The following MICU2 variants were observed in gnomAD, a reference collection of about 807,000 sequenced individuals.
MICU2 encodes the protein calcium uptake protein 2, mitochondrial.
MICU2 carries 64 observed loss-of-function variants against 60.4 expected under a neutral mutation model. The observed-to-expected ratio is 1.06, with a 90% CI of 0.87 to 1.31. MICU2 has a LOEUF of 1.31. MICU2 is among the 50% of genes most tolerant of loss of function. The pLI, the probability that MICU2 is intolerant of heterozygous loss-of-function variation, is 0.00. For synonymous variants in MICU2, 201 were observed against 175.0 expected, an observed-to-expected ratio of 1.15 and a Z score of -1.17; for missense variants, 569 against 531.0, an observed-to-expected ratio of 1.07 and a Z score of -0.70.
intron 4 of MICU2, among the ~76,000 whole-genome samples, chr13:21,529,672 C>T (rs1219910378): frequency 6.6e-6 from 1 of 152,206 alleles, no homozygotes; most frequent in African/African-American, 2.4e-5. Flanking sequence ...CTTTCGTTGA[C>T]ATGATCTCAG....
chr13:21,584,926 G>C (rs1888426226), intron 1 of MICU2, among the ~76,000 whole-genome samples: 2 of 152,054 alleles, frequency 1.3e-5, no homozygotes, highest in African/African-American at 4.8e-5. Context: ...ATGGTTTATA[G>C]AACAAGAACA....
chr13:21,600,285 T>C (rs1158011669), intron 1 of MICU2, among the ~76,000 whole-genome samples: 2 of 152,194 alleles, frequency 1.3e-5, no homozygotes, highest in East Asian at 1.9e-4. Flanking sequence ...CAACTCTTAC[T>C]TCCAGATCTC....
At chr13:21,532,851 G>A (rs746957477) in intron 4 of MICU2, among the ~76,000 whole-genome samples, 3 of 152,110 alleles carry the variant, frequency 2.0e-5, no homozygotes, top group Non-Finnish European at 4.4e-5. Context: ...AATGAGAGGT[G>A]AGGAAGTGAA....
chr13:21,603,724 A>C lies in MICU2; in HGVS notation c.210+215T>G, dbSNP rs1888880916. ...GCGGGGTTCTCCCAAGGGAGGCAGA[A>C]TCTCCGGTCACCAGCCTCGAAGGCC... On this transcript the variant is annotated intron_variant, in intron 1 of 11. Coordinates refer to ENST00000382374, the MANE Select transcript of MICU2 (RefSeq NM_152726.3). The C allele has an allele frequency of 5.2e-6, 3 of 578,834 alleles. No individual in the cohort carries two copies. The South Asian group carries it at 6.4e-5, about 12-fold the overall frequency. 35.9% of individuals were successfully genotyped at this position (578,834 alleles called of 1,614,324 possible).
chr13:21,572,742 T>G (rs145576175), intron 1 of MICU2, among the ~76,000 whole-genome samples: 1 of 152,276 alleles, frequency 6.6e-6, no homozygotes, highest in Admixed American at 6.5e-5. Context: ...AGGCTTAAGT[T>G]TGGGGGTCCT....
chr13:21,590,968 T>C (rs1383128225), intron 1 of MICU2, among the ~76,000 whole-genome samples: 3 of 152,168 alleles, frequency 2.0e-5, no homozygotes, highest in East Asian at 3.8e-4. Context: ...ACGAAGAAAC[T>C]GCATCAACTA....
chr13:21,583,608 T>C (rs976357131), intron 1 of MICU2, among the ~76,000 whole-genome samples: 3 of 152,214 alleles, frequency 2.0e-5, no homozygotes, highest in African/African-American at 7.2e-5. Flanking sequence ...TTTCCTGTTT[T>C]TCCTTTGCAG....
chr13:21,526,278 A>G (rs1171681199), intron 4 of MICU2, among the ~76,000 whole-genome samples: 1 of 151,674 alleles, frequency 6.6e-6, no homozygotes, highest in African/African-American at 2.4e-5. Context: ...GTCTCTCTTA[A>G]TATATACGTT....
chr13:21,543,261 C>G (rs1887326424), intron 2 of MICU2, among the ~76,000 whole-genome samples: 1 of 152,118 alleles, frequency 6.6e-6, no homozygotes. Context: ...CTTCTAAGAA[C>G]TGAAATGAGA....
chr13:21,558,257 A>G (rs1887756538), intron 2 of MICU2, among the ~76,000 whole-genome samples: 1 of 152,110 alleles, frequency 6.6e-6, no homozygotes, highest in African/African-American at 2.4e-5. Flanking sequence ...TCACCCTGGG[A>G]TGAGAGTAAT....
At chr13:21,524,944 T>C (rs1013115491) in intron 4 of MICU2, among the ~76,000 whole-genome samples, 1 of 152,218 alleles carries the variant, frequency 6.6e-6, no homozygotes, top group Non-Finnish European at 1.5e-5. Flanking sequence ...GCAGCATATG[T>C]CAGCATATCC....
chr13:21,551,851 G>T (rs1887576617), intron 2 of MICU2, among the ~76,000 whole-genome samples: 1 of 151,968 alleles, frequency 6.6e-6, no homozygotes, highest in Admixed American at 6.6e-5. Flanking sequence ...CATTTGGCTT[G>T]GTTCCAAGTC....
rs540221602 is a variant in MICU2, at chr13:21,528,759, C to T, written c.467-6109G>A. Among the ~76,000 whole-genome samples, 21 of 152,234 alleles carry T rather than the reference C, an allele frequency of 1.4e-4. No homozygotes were observed. In the South Asian group the frequency reaches 4.1e-3, roughly 30 times the overall value. Reference sequence around the variant, plus strand: ...ACATAAACCAGCAATTATAATAAAACGTGGTGAGAAAGAATATATAAAGAA... The same window carrying T: ...ACATAAACCAGCAATTATAATAAAATGTGGTGAGAAAGAATATATAAAGAA... On this transcript the variant is annotated intron_variant, in intron 4 of 11. Transcript: ENST00000382374.
At chr13:21,592,983 T>A (rs973353864) in intron 1 of MICU2, among the ~76,000 whole-genome samples, 1 of 152,126 alleles carries the variant, frequency 6.6e-6, no homozygotes, top group Non-Finnish European at 1.5e-5. Context: ...CTCTCACCAC[T>A]CGTATTCAAC....
intron 1 of MICU2, chr13:21,603,453 A>C (rs1214908022): frequency 6.3e-6 from 1 of 157,526 alleles, no homozygotes; most frequent in Non-Finnish European, 1.4e-5. Context: ...CAATCGACAG[A>C]ACTTCATCAT....
chr13:21,504,885 C>T (rs1886257877), intron 8 of MICU2, among the ~76,000 whole-genome samples: 1 of 152,104 alleles, frequency 6.6e-6, no homozygotes, highest in African/African-American at 2.4e-5. Flanking sequence ...GGCTGTTTTT[C>T]CTGAGACAGA....
intron 2 of MICU2, among the ~76,000 whole-genome samples, chr13:21,562,203 T>G (rs1887863155): frequency 6.6e-6 from 1 of 152,050 alleles, no homozygotes; most frequent in African/African-American, 2.4e-5. Context: ...GCAGCATGAT[T>G]TATAGTCCTG....
chr13:21,578,879 A>G (rs994734028), intron 1 of MICU2, among the ~76,000 whole-genome samples: 2 of 152,230 alleles, frequency 1.3e-5, no homozygotes, highest in African/African-American at 4.8e-5. Context: ...TAACTGTACC[A>G]AAGGATACTG....
chr13:21,546,551 G>A (rs368588180), intron 2 of MICU2, among the ~76,000 whole-genome samples: 13 of 152,256 alleles, frequency 8.5e-5, no homozygotes, highest in African/African-American at 3.1e-4. Context: ...GTTCTGAGAT[G>A]GGTATGTGTT....
Sources: allele counts gnomAD v4.1 joint callset (sites outside exome capture counted in the v4.1 genomes callset), GRCh38; gene constraint gnomAD v4.1.1; transcripts MANE v1.5; gene names NCBI Gene and HGNC (gene_info 2026-07-23, HGNC 2026-07-21).